NRN1: variants seen among roughly 807,000 people sequenced by gnomAD.
NRN1 encodes neuritin.
A neutral mutation model predicts 15.0 loss-of-function variants in NRN1; 4 were observed. The observed-to-expected ratio is 0.27, with a 90% CI of 0.13 to 0.61. NRN1 has a LOEUF of 0.61. Among genes scored for constraint, NRN1 ranks in the 20% least tolerant of loss-of-function variants. The pLI, the probability that NRN1 is intolerant of heterozygous loss-of-function variation, is 0.87. For missense variants in NRN1, 134 were observed against 181.9 expected, an observed-to-expected ratio of 0.74 and a Z score of 1.51; for synonymous variants, 85 against 79.8, an observed-to-expected ratio of 1.07 and a Z score of -0.35.
At chr6:6,003,426 C>T (rs1758019061) in intron 1 of NRN1, among the ~76,000 whole-genome samples, 1 of 152,164 alleles carries the variant, frequency 6.6e-6, no homozygotes, top group South Asian at 2.1e-4. Context: ...AACCCACCCG[C>T]CCGCCAAAAA....
chr6:5,998,371 C>A lies in NRN1; in HGVS notation c.*605G>T, dbSNP rs1468031226. On this transcript the variant is annotated 3_prime_UTR_variant, in exon 3 of 3. Transcript: ENST00000244766. ...CTCTTACCCCAGAGATTTCCTCAGC[C>A]CCTTCCCTCTCTCCCTCCTATCCTC... 2 of 152,350 alleles carry A rather than the reference C, an allele frequency of 1.3e-5. No homozygotes were observed. Among genetic ancestry groups the A allele is most frequent in the Non-Finnish European group, 2.9e-5 (2 of 68,174 alleles). 9.4% of individuals were successfully genotyped at this position (152,350 alleles called of 1,614,324 possible).
chr6:6,006,199 G>T (rs550381166), intron 1 of NRN1, among the ~76,000 whole-genome samples: 20 of 152,292 alleles, frequency 1.3e-4, no homozygotes, highest in Admixed American at 1.3e-3. Flanking sequence ...TAGGATATAG[G>T]GGGGAGGAGG....
intron 2 of NRN1, among the ~76,000 whole-genome samples, chr6:6,000,771 A>C (rs1757924049): frequency 9.2e-6 from 1 of 108,622 alleles, no homozygotes. Flanking sequence ...ATGAGGGCAG[A>C]GTTCTGAGGG....
upstream of NRN1, chr6:6,006,966 G>A (rs76355776): frequency 3.5e-5 from 15 of 422,718 alleles, no homozygotes; most frequent in South Asian, 7.2e-5. Flanking sequence ...AGGCTGAGGG[G>A]GGGGGGAGAG....
intron 1 of NRN1, among the ~76,000 whole-genome samples, chr6:6,003,467 G>A (rs1451858820): frequency 6.6e-6 from 1 of 152,230 alleles, no homozygotes; most frequent in Non-Finnish European, 1.5e-5. Flanking sequence ...GCAGCGGGGA[G>A]AGGCTGTTCT....
intron 2 of NRN1, 79 bp from the exon 3 acceptor site, chr6:5,999,283 C>T: frequency 7.7e-7 from 1 of 1,300,534 alleles, no homozygotes; most frequent in Non-Finnish European, 1.1e-6. Flanking sequence ...GCCCCTGCGC[C>T]TCCCCGCTGG....
intron 2 of NRN1, among the ~76,000 whole-genome samples, chr6:6,001,307 A>G (rs1462156021): frequency 6.6e-6 from 1 of 152,190 alleles, no homozygotes; most frequent in African/African-American, 2.4e-5. Flanking sequence ...AACCTCAGGG[A>G]ATAAGGGGCA....
intron 1 of NRN1, chr6:6,002,747 T>C: frequency 1.8e-6 from 1 of 560,664 alleles, no homozygotes; most frequent in East Asian, 3.0e-5. Flanking sequence ...GGGAGGTAGG[T>C]GAGTCCATTC....
At position 5,998,981 on chromosome 6, in the gene NRN1, A is replaced by G. The variant is rs751291997; in HGVS notation, c.424T>C (p.Phe142Leu). Residue 142 changes from phenylalanine (F) to leucine (L), a missense_variant, in exon 3 of 3, where the codon TTC becomes CTC. By Grantham distance (22) the Phe-to-Leu change is conservative. Transcript: ENST00000244766. ...LSAALATWLS[F>L] ...GGGGGGAGCTGGCCCCACGCTCAGA[A>G]GGAAAGCCAGGTCGCTAAAGCTGCC... The G allele has an allele frequency of 1.1e-5, 18 of 1,610,248 alleles. No homozygotes were observed. Among genetic ancestry groups the G allele is most frequent in the Admixed American group, 3.4e-5 (2 of 59,694 alleles).
At chr6:5,999,684 C>T (rs1393138554) in intron 2 of NRN1, among the ~76,000 whole-genome samples, 3 of 152,238 alleles carry the variant, frequency 2.0e-5, no homozygotes, top group East Asian at 3.9e-4. Context: ...CTCCCCCTCG[C>T]CCCTTCTGTC....
At chr6:6,003,252 C>T (rs1429389273) in intron 1 of NRN1, 1 of 1,234,462 alleles carries the variant, frequency 8.1e-7, no homozygotes, top group Admixed American at 4.2e-5. Context: ...CGTCCTGAGA[C>T]CTGGCGCGGA....
intron 1 of NRN1, among the ~76,000 whole-genome samples, chr6:6,004,932 C>T (rs1320488132): frequency 6.6e-6 from 1 of 152,072 alleles, no homozygotes; most frequent in African/African-American, 2.4e-5. Flanking sequence ...CCTCCCAACC[C>T]CCACTTTTCT....
chr6:5,998,788 T>C lies in NRN1; in HGVS notation c.*188A>G, dbSNP rs548672452. The C allele has an allele frequency of 8.3e-6, 5 of 601,226 alleles. No individual in the cohort carries two copies. Among genetic ancestry groups the C allele is most frequent in the Non-Finnish European group, 1.5e-5 (5 of 342,374 alleles). The allele number at this position is 601,226 out of a possible 1,614,324, so 37.2% of individuals were successfully genotyped here. On this transcript the variant is annotated 3_prime_UTR_variant, in exon 3 of 3. Coordinates refer to ENST00000244766, the MANE Select transcript of NRN1 (RefSeq NM_016588.3). Reference sequence around the variant, plus strand: ...CTTGCTTGCTCACTGATTGGTAACATTTGGCAAATAAAACACAAGAAATCA... The same window carrying C: ...CTTGCTTGCTCACTGATTGGTAACACTTGGCAAATAAAACACAAGAAATCA...
At chr6:6,005,218 A>G (rs1216221373) in intron 1 of NRN1, among the ~76,000 whole-genome samples, 1 of 152,174 alleles carries the variant, frequency 6.6e-6, no homozygotes, top group Non-Finnish European at 1.5e-5. Context: ...TCTATCTCAA[A>G]AACAACTCTC....
Position 5,998,078 on chromosome 6 carries a change from CTT to C in NRN1, c.*896_*897del, listed in dbSNP as rs1022944489. The C allele has an allele frequency of 6.7e-6, 1 of 150,116 alleles. No individual in the cohort carries two copies. The highest frequency in any genetic ancestry group is 1.5e-5 in the Non-Finnish European group (1 of 67,458). The allele number at this position is 150,116 out of a possible 1,614,324, so 9.3% of individuals were successfully genotyped here. On this transcript the variant is annotated 3_prime_UTR_variant, in exon 3 of 3. Coordinates refer to ENST00000244766, the MANE Select transcript of NRN1 (RefSeq NM_016588.3). ...TTTGCTGAATTTAATTTATAATAAA[CTT>C]TTTAAATTACATCTCTCTCTCTTTT...
At chr6:6,003,319 T>G (rs1758015205) in intron 1 of NRN1, 2 of 1,139,268 alleles carry the variant, frequency 1.8e-6, no homozygotes, top group Admixed American at 4.2e-5. Flanking sequence ...CGGATGAGTC[T>G]GCCTGGGTCA....
chr6:6,000,455 G>A (rs997573938), intron 2 of NRN1, among the ~76,000 whole-genome samples: 1 of 152,214 alleles, frequency 6.6e-6, no homozygotes, highest in South Asian at 2.1e-4. Flanking sequence ...CACCTGCCCC[G>A]GGCCTTGAGC....
At chr6:6,006,020 C>G (rs991544167) in intron 1 of NRN1, among the ~76,000 whole-genome samples, 1 of 152,210 alleles carries the variant, frequency 6.6e-6, no homozygotes, top group Non-Finnish European at 1.5e-5. Context: ...AATGCAGACA[C>G]CAATGTGTAA....
Position 6,002,395 on chromosome 6 carries a change from G to T in NRN1, c.158C>A (p.Pro53Gln). 6.2e-7 allele frequency: 1 copy of T among 1,614,226 alleles called. No individual in the cohort carries two copies. Among genetic ancestry groups the T allele is most frequent in the Non-Finnish European group, 8.5e-7 (1 of 1,180,026 alleles). ...LKLGDSMANY[P>Q]QGLDDKTNIK... ...GTTCGTCTTGTCGTCCAGGCCCTGCGGGTAGTTGGCCATGCTGTCGCCCAG... is the reference window on the plus strand; with the variant it reads ...GTTCGTCTTGTCGTCCAGGCCCTGCTGGTAGTTGGCCATGCTGTCGCCCAG... Residue 53 changes from proline (P) to glutamine (Q), a missense_variant, in exon 2 of 3, where the codon CCG becomes CAG. Transcript: ENST00000244766.
Sources: gnomAD v4.1 joint callset for allele counts (sites outside exome capture counted in the v4.1 genomes callset) on GRCh38, gnomAD v4.1.1 for gene constraint, MANE v1.5 for transcripts, NCBI Gene and HGNC (gene_info 2026-07-23, HGNC 2026-07-21) for gene names.